The following ADGRG3 variants were observed in gnomAD, a reference collection of about 807,000 sequenced individuals.
The protein encoded by ADGRG3 is G protein-coupled receptor 97.
In ADGRG3, 39 loss-of-function variants were observed where a neutral mutation model predicts 54.3. The observed-to-expected ratio is 0.72, with a 90% CI of 0.56 to 0.94. The LOEUF (loss-of-function observed/expected upper bound fraction) is 0.94. Among genes scored for constraint, ADGRG3 ranks in the 40% least tolerant of loss-of-function variants. The probability of loss-of-function intolerance (pLI) is 0.00; values close to 1 mark genes in which losing one functional copy is unlikely to be tolerated. For missense variants in ADGRG3, 654 were observed against 694.6 expected (o/e 0.94, Z 0.66); for synonymous variants, 312 against 290.0 (o/e 1.08, Z -0.77).
At position 57,676,316 on chromosome 16, in the gene ADGRG3, A is replaced by G. The variant is rs544231858; in HGVS notation, c.323A>G (p.Tyr108Cys). The stretch of plus-strand genomic sequence containing the variant: ...AGCACCAACACTGCAGAAGACTTCT[A>G]TTTCTCTCTGGAGCCCTCTCAGGTG... ...NLSTNTAEDF[Y>C]FSLEPSQVPR... Residue 108 changes from tyrosine (Y) to cysteine (C), a missense_variant, in exon 3 of 12, where the codon TAT becomes TGT. Physicochemically the swap from Tyr to Cys is radical, Grantham distance 194. Coordinates refer to ENST00000333493, the MANE Select transcript of ADGRG3 (RefSeq NM_170776.5). 1 of 1,614,018 alleles carries G rather than the reference A, an allele frequency of 6.2e-7. No homozygotes were observed. The highest frequency in any genetic ancestry group is 2.2e-5 in the East Asian group (1 of 44,876).
intron 2 of ADGRG3, among the ~76,000 whole-genome samples, chr16:57,675,058 A>G (rs560352530): frequency 1.1e-3 from 167 of 150,692 alleles, no homozygotes; most frequent in Non-Finnish European, 2.2e-3. Context: ...GAATATTTGT[A>G]GCAGCACTTT....
chr16:57,684,412 C>T lies in ADGRG3; in HGVS notation c.1185C>T (p.Ile395=), dbSNP rs147753492. 1.3e-5 allele frequency: 21 copies of T among 1,613,424 alleles called. No homozygotes were observed. The East Asian group carries it at 1.8e-4, about 14-fold the overall frequency. The change falls in exon 10 of 12, where the codon ATC becomes ATT. Residue 395 remains isoleucine (I), a synonymous_variant. Transcript: ENST00000333493. Reference sequence around the variant, plus strand: ...CAGGCCTGCCCGCCCTGATGGTCATCGGCACTGGGAGTGCCAACAGCTACG... The same window carrying T: ...CAGGCCTGCCCGCCCTGATGGTCATTGGCACTGGGAGTGCCAACAGCTACG... The part of the protein sequence containing the change: ...VGWGLPALMV[I]GTGSANSYGL...
At chr16:57,667,256 A>C (rs1384155393), upstream of ADGRG3, among the ~76,000 whole-genome samples, 1 of 152,260 alleles carries the variant, frequency 6.6e-6, no homozygotes, top group Non-Finnish European at 1.5e-5. Flanking sequence ...CCCAAGGCTG[A>C]GTAGGGCTAG....
chr16:57,673,950 G>A (rs920176616), intron 2 of ADGRG3, among the ~76,000 whole-genome samples: 8 of 152,186 alleles, frequency 5.3e-5, no homozygotes, highest in African/African-American at 1.2e-4. Context: ...AATGTAAACC[G>A]CGTGGGGATG....
chr16:57,668,922 G>A (rs1179588721), intron 1 of ADGRG3, among the ~76,000 whole-genome samples: 1 of 152,048 alleles, frequency 6.6e-6, no homozygotes, highest in Non-Finnish European at 1.5e-5. Flanking sequence ...TCAGTGGCCT[G>A]AGCCAGGATC....
upstream of ADGRG3, among the ~76,000 whole-genome samples, chr16:57,667,527 T>A (rs1312063331): frequency 1.3e-5 from 2 of 152,260 alleles, no homozygotes. Context: ...AATGATGTAA[T>A]GGCCACAGGC....
chr16:57,672,844 C>T (rs1440707097), intron 1 of ADGRG3, among the ~76,000 whole-genome samples: 1 of 152,144 alleles, frequency 6.6e-6, no homozygotes, highest in East Asian at 1.9e-4. Flanking sequence ...AGCCACCACG[C>T]CCTGCCAATA....
Position 57,680,382 on chromosome 16 carries a change from C to T in ADGRG3, c.768+17C>T. On this transcript the variant is annotated intron_variant, in intron 7 of 11. Transcript: ENST00000333493. ...CTGCTCCTGGTAACAGCCCCCTCCA[C>T]TCTGATCCCAGCCATCCCAGGGGCT... is the stretch of plus-strand genomic sequence containing the variant. The T allele has an allele frequency of 6.2e-7, 1 of 1,605,118 alleles. No homozygotes were observed. The highest frequency in any genetic ancestry group is 8.5e-7 in the Non-Finnish European group (1 of 1,172,192).
intron 2 of ADGRG3, among the ~76,000 whole-genome samples, chr16:57,674,829 CAA>C (rs56719808): frequency 5.2e-4 from 43 of 82,106 alleles, no homozygotes; most frequent in Admixed American, 1.2e-3. Flanking sequence ...ACTGAAAATA[CAA>C]AAAAAAAAAA....
At chr16:57,676,103 T>C in intron 2 of ADGRG3, 97 bp from the exon 3 acceptor site, 4 of 1,145,526 alleles carry the variant, frequency 3.5e-6, no homozygotes, top group Non-Finnish European at 5.1e-6. Context: ...GGTCTTTACT[T>C]TGATAGTTTG....
chr16:57,678,843 G>A, intron 4 of ADGRG3: 1 of 396,610 alleles, frequency 2.5e-6, no homozygotes, highest in Non-Finnish European at 4.7e-6. Context: ...ACCCTCAGGG[G>A]CACGCTATCC....
At chr16:57,679,919 G>C in intron 6 of ADGRG3, 64 bp downstream of exon 6, 1 of 1,327,276 alleles carries the variant, frequency 7.5e-7, no homozygotes, top group Non-Finnish European at 1.1e-6. Flanking sequence ...GCATTGTGGG[G>C]CGGGGCTAGC....
rs778594810 is a variant in ADGRG3, at chr16:57,678,193, C to T, written c.369C>T (p.Asp123=). The T allele has an allele frequency of 1.3e-5, 21 of 1,614,114 alleles. No homozygotes were observed. Among genetic ancestry groups the T allele is most frequent in the South Asian group, 5.5e-5 (5 of 91,076 alleles). Residue 123 remains aspartate (D), a synonymous_variant, in exon 4 of 12, where the codon GAC becomes GAT. Transcript: ENST00000333493. ...AGGTTCCGAGGCAGGTGATGAAGGA[C>T]GAGGACAAGCCCCCTGACAGAGTGC... is the stretch of plus-strand genomic sequence containing the variant. ...PSQVPRQVMK[D]EDKPPDRVRL...
upstream of ADGRG3, among the ~76,000 whole-genome samples, chr16:57,666,584 T>C (rs970827178): frequency 1.3e-5 from 2 of 152,132 alleles, no homozygotes; most frequent in Non-Finnish European, 1.5e-5. Context: ...ACTGGAGCCA[T>C]TGGGAGAAGC....
upstream of ADGRG3, among the ~76,000 whole-genome samples, chr16:57,666,646 T>TG (rs1156303878): frequency 2.4e-4 from 37 of 151,710 alleles, no homozygotes; most frequent in East Asian, 5.8e-4. Flanking sequence ...GCCCTGGGGT[T>TG]GGGGGGGGTC....
At chr16:57,678,543 A>T in intron 4 of ADGRG3, 1 of 567,616 alleles carries the variant, frequency 1.8e-6, no homozygotes. Flanking sequence ...ACCCCCACAC[A>T]TGAGTGCCCT....
rs868457442 is a variant in ADGRG3, at chr16:57,680,324, G to C, written c.727G>C (p.Val243Leu). 3 of 1,612,266 alleles carry C rather than the reference G, an allele frequency of 1.9e-6. No individual in the cohort carries two copies. The South Asian group carries it at 3.3e-5, about 18-fold the overall frequency. Residue 243 changes from valine to leucine, a missense_variant, in exon 7 of 12, where the codon GTG becomes CTG. Coordinates refer to ENST00000333493, the MANE Select transcript of ADGRG3 (RefSeq NM_170776.5). ...CACGGAGGTCAGACCTGAGGGGACCGTGTGCTGCTGTGACCACCTGACCTT... is the reference window on the plus strand; with the variant it reads ...CACGGAGGTCAGACCTGAGGGGACCCTGTGCTGCTGTGACCACCTGACCTT... ...CSTEVRPEGTVCCCDHLTFFA... is the reference protein window; with the variant it reads ...CSTEVRPEGTLCCCDHLTFFA...
chr16:57,680,110 C>T (rs1366489660), intron 6 of ADGRG3, among the ~76,000 whole-genome samples, 155 bp from the exon 7 acceptor site: 1 of 106,260 alleles, frequency 9.4e-6, no homozygotes, highest in African/African-American at 4.1e-5. Flanking sequence ...TCCTCTCCTC[C>T]CCTCCCTATA....
intron 8 of ADGRG3, chr16:57,682,702 C>A: frequency 1.1e-6 from 1 of 911,016 alleles, no homozygotes; most frequent in Non-Finnish European, 1.3e-6. Flanking sequence ...CCTTTTGGAT[C>A]TGGTTTGCTA....
Sources: gnomAD v4.1 joint callset for allele counts (sites outside exome capture counted in the v4.1 genomes callset) on GRCh38, gnomAD v4.1.1 for gene constraint, MANE v1.5 for transcripts, NCBI Gene and HGNC (gene_info 2026-07-23, HGNC 2026-07-21) for gene names.